Variants in LRRC7 observed in about 807,000 individuals in gnomAD.
LRRC7 encodes leucine-rich repeat-containing protein 7.
Under a neutral mutation model 175.7 loss-of-function variants are expected in LRRC7, and 23 were observed. That is an observed-to-expected ratio of 0.13 (90% CI 0.09 to 0.19). LRRC7 has a LOEUF of 0.19. Among genes scored for constraint, LRRC7 ranks in the 10% least tolerant of loss-of-function variants. LRRC7 has a pLI of 1.00. For synonymous variants in LRRC7, 685 were observed against 680.9 expected (o/e 1.01, Z -0.09); for missense variants, 1,354 against 1,904.7 (o/e 0.71, Z 5.38).
chr1:69,901,531 C>A (rs1238784532), intron 7 of LRRC7, among the ~76,000 whole-genome samples: 1 of 152,098 alleles, frequency 6.6e-6, no homozygotes, highest in East Asian at 1.9e-4. Context: ...AAACCCTGCT[C>A]ACAGAGTAAA....
chr1:69,789,919 A>G (rs1440271479), intron 3 of LRRC7, among the ~76,000 whole-genome samples: 1 of 152,084 alleles, frequency 6.6e-6, no homozygotes, highest in Non-Finnish European at 1.5e-5. Context: ...TGTGACAAAC[A>G]ACGTCTTACA....
chr1:69,773,583 G>T (rs571662994), intron 3 of LRRC7, among the ~76,000 whole-genome samples: 1 of 152,252 alleles, frequency 6.6e-6, no homozygotes, highest in South Asian at 2.1e-4. Context: ...TTTTAAAGTG[G>T]TGGGTAGTTG....
At chr1:69,666,323 A>T (rs1352412752) in intron 1 of LRRC7, among the ~76,000 whole-genome samples, 3 of 152,078 alleles carry the variant, frequency 2.0e-5, no homozygotes, top group Admixed American at 2.0e-4. Context: ...TCAAGATAAT[A>T]CTGGCCTTGT....
intron 4 of LRRC7, among the ~76,000 whole-genome samples, chr1:69,792,371 G>A (rs577413010): frequency 6.6e-6 from 1 of 152,130 alleles, no homozygotes; most frequent in East Asian, 1.9e-4. Context: ...ACTCGTTCAA[G>A]TCTTGTTTCC....
chr1:69,887,873 T>A (rs543464810), intron 7 of LRRC7, among the ~76,000 whole-genome samples: 1,677 of 147,068 alleles, frequency 0.011, 35 homozygotes, highest in African/African-American at 0.041. Flanking sequence ...TGGAATACCC[T>A]GCTGTGTGAG....
rs542781457 is a variant in LRRC7, at chr1:69,601,789, A to C, written c.2+33148A>C. ...CCCTTTTTTGCTTATTAACAAGGAT[A>C]AAGTGAATATACATGCTCTTTTGAG... On this transcript the variant is annotated intron_variant, in intron 1 of 26. Transcript: ENST00000651989. 2.3e-4 allele frequency among the ~76,000 whole-genome samples: 35 copies of C among 152,306 alleles called. 1 individual carries two copies. In the South Asian group the frequency reaches 7.0e-3, roughly 31 times the overall value.
intron 1 of LRRC7, among the ~76,000 whole-genome samples, chr1:69,667,646 G>A (rs958983384): frequency 1.3e-5 from 2 of 152,012 alleles, no homozygotes; most frequent in African/African-American, 2.4e-5. Flanking sequence ...GGTTTCCATT[G>A]GCATGGAATA....
chr1:69,644,423 A>G (rs1654700745), intron 1 of LRRC7, among the ~76,000 whole-genome samples: 1 of 151,942 alleles, frequency 6.6e-6, no homozygotes, highest in African/African-American at 2.4e-5. Context: ...CTCTCTTTTT[A>G]AAGTCTTTGT....
chr1:69,661,539 T>A lies in LRRC7; in HGVS notation c.3-16842T>A, dbSNP rs1657476341. ...TTAAAAAATGCTGAATATCTTTTACTCTGAGTGGTCAGCACCATCTGCAAC... is the reference window on the plus strand; with the variant it reads ...TTAAAAAATGCTGAATATCTTTTACACTGAGTGGTCAGCACCATCTGCAAC... On this transcript the variant is annotated intron_variant, in intron 1 of 26. Transcript: ENST00000651989. Among the ~76,000 whole-genome samples the A allele has an allele frequency of 2.6e-5, 4 of 152,196 alleles. No individual in the cohort carries two copies. In the South Asian group the frequency reaches 8.3e-4, roughly 31 times the overall value.
chr1:69,953,074 AT>A (rs1047708600), intron 8 of LRRC7, among the ~76,000 whole-genome samples: 1 of 150,996 alleles, frequency 6.6e-6, no homozygotes, highest in African/African-American at 2.4e-5. Flanking sequence ...GTGGTGTAGT[AT>A]TCAAGGTCTC....
intron 7 of LRRC7, among the ~76,000 whole-genome samples, chr1:69,871,687 A>G (rs931014011): frequency 2.6e-5 from 4 of 151,992 alleles, no homozygotes; most frequent in Admixed American, 2.0e-4. Flanking sequence ...CAATCTGTAA[A>G]CACCTCTTTT....
intron 1 of LRRC7, among the ~76,000 whole-genome samples, chr1:69,578,084 C>G (rs1325760624): frequency 6.6e-6 from 1 of 152,084 alleles, no homozygotes; most frequent in Non-Finnish European, 1.5e-5. Context: ...TGAACTCAAA[C>G]AAATTCACAA....
At chr1:69,647,914 G>C (rs551718727) in intron 1 of LRRC7, among the ~76,000 whole-genome samples, 73 of 152,204 alleles carry the variant, frequency 4.8e-4, no homozygotes, top group African/African-American at 1.7e-3. Context: ...ATACATTCCA[G>C]ATCAACACAT....
chr1:70,058,327 A>G (rs1352254622), intron 23 of LRRC7, among the ~76,000 whole-genome samples: 2 of 152,136 alleles, frequency 1.3e-5, no homozygotes, highest in African/African-American at 4.8e-5. Flanking sequence ...TCAAATTTTG[A>G]TGTCTATTAG....
intron 1 of LRRC7, among the ~76,000 whole-genome samples, chr1:69,570,972 C>A (rs1251324451): frequency 6.6e-6 from 1 of 152,062 alleles, no homozygotes; most frequent in Admixed American, 6.6e-5. Context: ...TTGGAGATTT[C>A]TTATTTCATT....
intron 2 of LRRC7, among the ~76,000 whole-genome samples, chr1:69,756,040 T>C (rs1202345076): frequency 6.6e-6 from 1 of 151,824 alleles, no homozygotes; most frequent in African/African-American, 2.4e-5. Context: ...AGAAAATCTG[T>C]AGTTAATATC....
intron 23 of LRRC7, among the ~76,000 whole-genome samples, chr1:70,069,226 C>T (rs1224830765): frequency 6.6e-6 from 1 of 152,082 alleles, no homozygotes; most frequent in Non-Finnish European, 1.5e-5. Context: ...GCTAGGGAGG[C>T]CTCAGGAAAC....
At position 69,799,245 on chromosome 1, in the gene LRRC7, G is replaced by A; in HGVS notation, c.421+7085G>A. Among the ~76,000 whole-genome samples the A allele has an allele frequency of 1.3e-5, 2 of 151,852 alleles. 1 individual carries two copies. The highest frequency in any genetic ancestry group is 3.9e-4 in the East Asian group (2 of 5,178). On this transcript the variant is annotated intron_variant, in intron 4 of 26. Transcript: ENST00000651989. ...TTGTATACCTTTAAGGGATACAACT[G>A]TTTTGTTAGGTGCATACAATGCATA...
In LRRC7 at chr1:70,130,652, A is replaced by C. The variant is rs1363436079; in HGVS notation, c.*8765A>C. ...GTAACACCATTCAAAAAGTTTAAGA[A>C]GTGGCTTTTATTTAATTGGAGCACA... is the stretch of plus-strand genomic sequence containing the variant. On this transcript the variant is annotated 3_prime_UTR_variant, in exon 27 of 27. Transcript: ENST00000651989. Among the ~76,000 whole-genome samples the C allele has an allele frequency of 1.3e-5, 2 of 152,234 alleles. No individual in the cohort carries two copies. Among genetic ancestry groups the C allele is most frequent in the African/African-American group, 4.8e-5 (2 of 41,460 alleles).
Sources: gnomAD v4.1 joint callset for allele counts (sites outside exome capture counted in the v4.1 genomes callset) on GRCh38, gnomAD v4.1.1 for gene constraint, MANE v1.5 for transcripts, NCBI Gene and HGNC (gene_info 2026-07-23, HGNC 2026-07-21) for gene names.